USP36: variants seen among roughly 807,000 people sequenced by gnomAD.
USP36 encodes the protein ubiquitin carboxyl-terminal hydrolase 36.
USP36 carries 59 observed loss-of-function variants against 111.5 expected under a neutral mutation model. The ratio of observed to expected loss-of-function variants is 0.53; its 90% CI spans 0.43 to 0.66. USP36 has a LOEUF of 0.66. USP36 is among the 30% of genes least tolerant of loss of function. The probability of loss-of-function intolerance (pLI) is 0.00; values close to 1 mark genes in which losing one functional copy is unlikely to be tolerated. For synonymous variants in USP36, 628 were observed against 581.0 expected, an observed-to-expected ratio of 1.08 and a Z score of -1.16; for missense variants, 1,488 against 1,468.0, an observed-to-expected ratio of 1.01 and a Z score of -0.22.
chr17:78,813,668 T>C, intron 12 of USP36, 105 bp downstream of exon 12: 1 of 972,032 alleles, frequency 1.0e-6, no homozygotes, highest in East Asian at 2.5e-5. Flanking sequence ...ATCCCTCCAG[T>C]GGAATTCCCA....
chr17:78,839,892 C>G (rs538099849), intron 1 of USP36, among the ~76,000 whole-genome samples: 1 of 152,350 alleles, frequency 6.6e-6, no homozygotes, highest in East Asian at 1.9e-4. Context: ...ATCCACATTT[C>G]CACCTGCGCG....
Position 78,821,026 on chromosome 17 carries a change from A to G in USP36, c.793T>C (p.Tyr265His), listed in dbSNP as rs765394816. Residue 265 changes from tyrosine to histidine, a missense_variant, in exon 8 of 21, where the codon TAC becomes CAC. By Grantham distance (83) the Tyr-to-His change is moderately conservative. Coordinates refer to ENST00000449938, the MANE Select transcript of USP36 (RefSeq NM_001385174.1). ...AGCGCGACGTCCAAGTAGGGGTCGT[A>G]GGTGTCCGAGACGCTCTTGCACACG... ...CSVCKSVSDT[Y>H]DPYLDVALEI... 13 of 1,608,160 alleles carry G rather than the reference A, an allele frequency of 8.1e-6. No homozygotes were observed. Among genetic ancestry groups the G allele is most frequent in the Non-Finnish European group, 1.1e-5 (13 of 1,177,340 alleles).
chr17:78,799,641 C>T, intron 18 of USP36, 26 bp downstream of exon 18: 1 of 1,607,802 alleles, frequency 6.2e-7, no homozygotes, highest in Non-Finnish European at 8.5e-7. Context: ...GAAAGGCAAA[C>T]AGAAGTCCTG....
chr17:78,793,903 C>T (rs1315919630), downstream of USP36, among the ~76,000 whole-genome samples: 1 of 152,108 alleles, frequency 6.6e-6, no homozygotes, highest in African/African-American at 2.4e-5. Flanking sequence ...TCCCTGGGTT[C>T]CCTGTACTGG....
At chr17:78,822,974 G>A (rs1250064273) in intron 6 of USP36, 1 of 396,260 alleles carries the variant, frequency 2.5e-6, no homozygotes, top group Non-Finnish European at 4.4e-6. Flanking sequence ...ACTCCTCACT[G>A]GCACAAAGCG....
In USP36 at chr17:78,807,280, T is replaced by G; in HGVS notation, c.1764A>C (p.Thr588=). ...TCAGCCCATGCCCGTTGGCAGTGGCTGTAGCCAGGAGCTTAGGTGAGGTAG... is the reference window on the plus strand; with the variant it reads ...TCAGCCCATGCCCGTTGGCAGTGGCGGTAGCCAGGAGCTTAGGTGAGGTAG... ...VLSTSPKLLA[T]ATANGHGLKG... is the part of the protein sequence containing the mutation. Residue 588 remains threonine, a synonymous_variant, in exon 14 of 21, where the codon ACA becomes ACC. Coordinates refer to ENST00000449938, the MANE Select transcript of USP36 (RefSeq NM_001385174.1). 1 of 1,614,164 alleles carries G rather than the reference T, an allele frequency of 6.2e-7. No homozygotes were observed. Among genetic ancestry groups the G allele is most frequent in the Non-Finnish European group, 8.5e-7 (1 of 1,180,014 alleles).
At chr17:78,824,527 G>C (rs1408326746) in intron 6 of USP36, among the ~76,000 whole-genome samples, 3 of 152,210 alleles carry the variant, frequency 2.0e-5, no homozygotes, top group Non-Finnish European at 2.9e-5. Flanking sequence ...CTGGGAGACA[G>C]AGCAAGGCCC....
intron 13 of USP36, among the ~76,000 whole-genome samples, chr17:78,811,117 C>CT (rs2094040862): frequency 8.2e-6 from 1 of 122,610 alleles, no homozygotes; most frequent in Admixed American, 1.1e-4. Flanking sequence ...AGTGACAGAG[C>CT]GAGACTCTGT....
rs1264341392 is a variant in USP36 at position 78,828,943 on chromosome 17, G to A, written c.540C>T (p.Asn180=). The change falls in exon 5 of 21, where the codon AAC becomes AAT. Residue 180 remains asparagine, a synonymous_variant. Coordinates refer to ENST00000449938, the MANE Select transcript of USP36 (RefSeq NM_001385174.1). ...AGACGGGCTTGATGGCGTTGCCGCT[G>A]TTGGCGAAGGCCTGGACAATGTGGT... is the stretch of plus-strand genomic sequence containing the variant. ...MQNHIVQAFA[N]SGNAIKPVSF... The A allele has an allele frequency of 1.9e-6, 3 of 1,614,120 alleles. No individual in the cohort carries two copies. The highest frequency in any genetic ancestry group is 1.7e-5 in the Admixed American group (1 of 60,008).
rs117840411 is a variant in USP36, at chr17:78,812,937, C to G, written c.1330G>C (p.Gly444Arg). The G allele has an allele frequency of 1.2e-6, 2 of 1,613,904 alleles. No homozygotes were observed. Among genetic ancestry groups the G allele is most frequent in the South Asian group, 2.2e-5 (2 of 91,076 alleles). The change falls in exon 13 of 21, where the codon GGC (glycine) becomes CGC (arginine). Residue 444 changes from glycine to arginine, a missense_variant. By Grantham distance (125) the Gly-to-Arg change is moderately radical. Coordinates refer to ENST00000449938, the MANE Select transcript of USP36 (RefSeq NM_001385174.1). Reference protein sequence around the residue: ...ISRTGSSSLPGRPSVIPDHSK... With the variant: ...ISRTGSSSLPRRPSVIPDHSK... Reference sequence around the variant, plus strand: ...TGATCTGGAATCACACTCGGGCGGCCGGGAAGGGAGGAGGAGCCTGTCCTG... The same window carrying G: ...TGATCTGGAATCACACTCGGGCGGCGGGGAAGGGAGGAGGAGCCTGTCCTG...
At chr17:78,833,112 C>T (rs1470432039) in intron 4 of USP36, among the ~76,000 whole-genome samples, 1 of 152,014 alleles carries the variant, frequency 6.6e-6, no homozygotes, top group Non-Finnish European at 1.5e-5. Flanking sequence ...TGCACCACTG[C>T]ACTCCAGCCT....
chr17:78,791,525 G>C (rs2093584321), downstream of USP36, among the ~76,000 whole-genome samples: 1 of 152,094 alleles, frequency 6.6e-6, no homozygotes, highest in African/African-American at 2.4e-5. Context: ...CCTTGAGAAA[G>C]CAACTTGAAG....
Position 78,812,954 on chromosome 17 carries a change from C to G in USP36, c.1313G>C (p.Gly438Ala), listed in dbSNP as rs760903725. ...KSPEGLISRT[G>A]SSSLPGRPSV... ...CGGGCGGCCGGGAAGGGAGGAGGAG[C>G]CTGTCCTGGAGATGAGGCCCTCGGG... The change falls in exon 13 of 21, where the codon GGC becomes GCC. Residue 438 changes from glycine to alanine, a missense_variant. Physicochemically the swap from Gly to Ala is moderately conservative, Grantham distance 60. Around this residue, in one of 3 missense-constraint regions of USP36, gnomAD observed 1,073 missense variants for 994.1 expected, o/e 1.08. Transcript: ENST00000449938. 9.2e-5 allele frequency: 149 copies of G among 1,613,928 alleles called. No individual in the cohort carries two copies. Among genetic ancestry groups the G allele is most frequent in the Non-Finnish European group, 1.2e-4 (143 of 1,180,028 alleles).
At chr17:78,824,418 A>G (rs1483849653) in intron 6 of USP36, among the ~76,000 whole-genome samples, 2 of 152,226 alleles carry the variant, frequency 1.3e-5, no homozygotes, top group Non-Finnish European at 2.9e-5. Context: ...AGCAGGCAGC[A>G]TGGAGCGTGC....
At chr17:78,826,820 G>A (rs981672714) in intron 6 of USP36, 3 of 471,248 alleles carry the variant, frequency 6.4e-6, no homozygotes, top group Non-Finnish European at 7.7e-6. Context: ...ACATATACAT[G>A]TACATATAAA....
chr17:78,840,161 G>A (rs2069125822), intron 1 of USP36, among the ~76,000 whole-genome samples: 1 of 152,260 alleles, frequency 6.6e-6, no homozygotes, highest in East Asian at 1.9e-4. Flanking sequence ...CGAGCGTTAC[G>A]TAAACGGGGG....
At chr17:78,808,957 T>C (rs34791045) in intron 13 of USP36, among the ~76,000 whole-genome samples, 10,079 of 152,056 alleles carry the variant, frequency 0.066, 643 homozygotes, top group African/African-American at 0.16. Flanking sequence ...AATTACAGAT[T>C]TCATTTTCAT....
chr17:78,827,227 G>A lies in USP36; in HGVS notation c.689+18C>T. The A allele has an allele frequency of 6.2e-7, 1 of 1,603,246 alleles. No homozygotes were observed. The highest frequency in any genetic ancestry group is 8.5e-7 in the Non-Finnish European group (1 of 1,176,174). The stretch of plus-strand genomic sequence containing the variant: ...AAGGTGTCCAAAGCCCTGGGAGGGT[G>A]GGTGGGGAAGCACGCACTTGGCACA... On this transcript the variant is annotated intron_variant, in intron 6 of 20. Coordinates refer to ENST00000449938, the MANE Select transcript of USP36 (RefSeq NM_001385174.1).
At chr17:78,828,691 C>T (rs889364524) in intron 5 of USP36, among the ~76,000 whole-genome samples, 3 of 152,192 alleles carry the variant, frequency 2.0e-5, no homozygotes, top group South Asian at 4.1e-4. Flanking sequence ...TCCTACAGGG[C>T]GAGCACTTAG....
Sources: gnomAD v4.1 joint callset for allele counts (sites outside exome capture counted in the v4.1 genomes callset) on GRCh38, gnomAD v4.1.1 for gene constraint, gnomAD v4.1.1 regional missense constraint, MANE v1.5 for transcripts, NCBI Gene and HGNC (gene_info 2026-07-23, HGNC 2026-07-21) for gene names.